The following ANGPT2 variants were observed in gnomAD, a reference collection of about 807,000 sequenced individuals.
ANGPT2 encodes the protein angiopoietin 2.
Under a neutral mutation model 62.9 loss-of-function variants are expected in ANGPT2, and 28 were observed. That is an observed-to-expected ratio of 0.44 (90% CI 0.33 to 0.61). ANGPT2 has a LOEUF of 0.61. ANGPT2 is among the 20% of genes least tolerant of loss of function. ANGPT2 has a pLI of 0.03. For synonymous variants in ANGPT2, 284 were observed against 207.8 expected (o/e 1.37, Z -3.15); for missense variants, 727 against 594.9 (o/e 1.22, Z -2.31).
chr8:6,503,107 A>G lies in ANGPT2; in HGVS notation c.1482T>C (p.Asp494=), dbSNP rs1049510866. ...KATTMMIRPA[D]F ...CTCAGGTGGACTGGGATGTTTAGAA[A>G]TCTGCTGGTCGGATCATCATGGTTG... The change falls in exon 9 of 9, where the codon GAT becomes GAC. Residue 494 remains aspartate, a synonymous_variant. Transcript: ENST00000629816. 5 of 1,614,174 alleles carry G rather than the reference A, an allele frequency of 3.1e-6. No homozygotes were observed. The highest frequency in any genetic ancestry group is 1.7e-5 in the Admixed American group (1 of 60,024).
At chr8:6,532,286 G>A (rs1044584685) in intron 2 of ANGPT2, 46 bp downstream of exon 2, 1 of 1,611,950 alleles carries the variant, frequency 6.2e-7, no homozygotes, top group South Asian at 1.1e-5. Flanking sequence ...CTGAGTGCTA[G>A]TCTCTAGCTG....
chr8:6,505,277 C>CT (rs1813167688), intron 8 of ANGPT2, among the ~76,000 whole-genome samples: 4 of 28,124 alleles, frequency 1.4e-4, no homozygotes, highest in East Asian at 9.4e-4. Flanking sequence ...TATATGTATA[C>CT]ATATATATGT....
At chr8:6,540,761 G>A (rs1200675113) in intron 1 of ANGPT2, among the ~76,000 whole-genome samples, 4 of 152,402 alleles carry the variant, frequency 2.6e-5, no homozygotes, top group Middle Eastern at 3.4e-3. Context: ...AGGCAGGCAT[G>A]CAGGAAGTTT....
intron 1 of ANGPT2, among the ~76,000 whole-genome samples, chr8:6,556,440 T>C (rs899137806): frequency 6.6e-6 from 1 of 152,128 alleles, no homozygotes; most frequent in African/African-American, 2.4e-5. Flanking sequence ...GACCAAGGAC[T>C]TAACATCATC....
rs148198799 is a variant in ANGPT2 at position 6,508,972 on chromosome 8, G to A, written c.1287C>T (p.Asn429=). The A allele has an allele frequency of 1.8e-5, 29 of 1,614,052 alleles. No homozygotes were observed. Among genetic ancestry groups the A allele is most frequent in the East Asian group, 1.3e-4 (6 of 44,880 alleles). ...GNDFSTKDGD[N]DKCICKCSQM... ...GTGAACATTTGCAAATACATTTGTC[G>A]TTGTCTCCATCCTTTGTGCTAAAAT... is the stretch of plus-strand genomic sequence containing the variant. The change falls in exon 8 of 9, where the codon AAC becomes AAT. Residue 429 remains asparagine, a synonymous_variant. Transcript: ENST00000629816.
At chr8:6,513,090 T>C (rs113938816) in intron 7 of ANGPT2, among the ~76,000 whole-genome samples, 42 of 152,246 alleles carry the variant, frequency 2.8e-4, no homozygotes, top group African/African-American at 9.6e-4. Context: ...ATTTTACAAA[T>C]ACCTATGAAA....
At chr8:6,552,098 C>T (rs953283042) in intron 1 of ANGPT2, among the ~76,000 whole-genome samples, 1 of 152,182 alleles carries the variant, frequency 6.6e-6, no homozygotes, top group Admixed American at 6.5e-5. Context: ...AATGGTACCT[C>T]TAAGAAATTC....
chr8:6,554,368 GCCCC>G (rs1230343701), intron 1 of ANGPT2, among the ~76,000 whole-genome samples: 5 of 151,420 alleles, frequency 3.3e-5, no homozygotes, highest in Non-Finnish European at 7.4e-5. Flanking sequence ...TCACGTTCTC[GCCCC>G]CAAAAGCCAA....
In ANGPT2 at chr8:6,499,788, C is replaced by G. The variant is rs1293541862; in HGVS notation, c.*3313G>C. On this transcript the variant is annotated 3_prime_UTR_variant, in exon 9 of 9. Coordinates refer to ENST00000629816, the MANE Select transcript of ANGPT2 (RefSeq NM_001118887.2). ...TTTTTGCTGTGTCTTCAAAGTGATT[C>G]TTGGTTTATTGCCTGCTAAGGCTAA... 3 of 1,456,802 alleles carry G rather than the reference C, an allele frequency of 2.1e-6. No homozygotes were observed. The highest frequency in any genetic ancestry group is 3.3e-5 in the Admixed American group (2 of 59,804). The allele number at this position is 1,456,802 out of a possible 1,614,324, so 90.2% of individuals were successfully genotyped here.
Position 6,562,754 on chromosome 8 carries a change from C to G in ANGPT2, c.181G>C (p.Val61Leu), listed in dbSNP as rs370008214. 62 of 1,613,598 alleles carry G rather than the reference C, an allele frequency of 3.8e-5. 1 individual carries two copies. The highest frequency in any genetic ancestry group is 4.9e-5 in the Non-Finnish European group (58 of 1,179,976). ...DNCRSSSSPY[V>L]SNAVQRDAPL... ...GCGTCCCTCTGCACAGCATTGGACA[C>G]GTAGGGGCTGGAGGAAGAGCGGCAG... Residue 61 changes from valine (V) to leucine (L), a missense_variant, in exon 1 of 9, where the codon GTG becomes CTG. Coordinates refer to ENST00000629816, the MANE Select transcript of ANGPT2 (RefSeq NM_001118887.2).
At chr8:6,545,453 T>C (rs976700469) in intron 1 of ANGPT2, among the ~76,000 whole-genome samples, 1 of 152,228 alleles carries the variant, frequency 6.6e-6, no homozygotes, top group Non-Finnish European at 1.5e-5. Flanking sequence ...GTTTTATTTG[T>C]CTCTGCAGTT....
intron 2 of ANGPT2, among the ~76,000 whole-genome samples, chr8:6,528,346 G>A (rs758113828): frequency 6.6e-6 from 1 of 152,172 alleles, no homozygotes; most frequent in African/African-American, 2.4e-5. Flanking sequence ...TAGGTGGAAA[G>A]TATTTTCCCT....
intron 1 of ANGPT2, among the ~76,000 whole-genome samples, chr8:6,545,054 C>T (rs1315707293): frequency 6.6e-6 from 1 of 152,078 alleles, no homozygotes; most frequent in Non-Finnish European, 1.5e-5. Flanking sequence ...CCATCACAGA[C>T]ATCATGTTGG....
At chr8:6,551,359 T>A (rs900547396) in intron 1 of ANGPT2, among the ~76,000 whole-genome samples, 1 of 151,926 alleles carries the variant, frequency 6.6e-6, no homozygotes, top group Admixed American at 6.5e-5. Context: ...AACGCCTTCA[T>A]GGCACGGGAC....
intron 1 of ANGPT2, among the ~76,000 whole-genome samples, chr8:6,542,487 G>A (rs984775972): frequency 2.0e-5 from 3 of 151,988 alleles, no homozygotes; most frequent in African/African-American, 4.8e-5. Context: ...TAAGAGGGAC[G>A]CTAGCGCCTG....
chr8:6,503,515 C>T (rs1283978108), intron 8 of ANGPT2, among the ~76,000 whole-genome samples: 3 of 152,108 alleles, frequency 2.0e-5, no homozygotes, highest in Admixed American at 1.3e-4. Flanking sequence ...TGTGGAGAGG[C>T]CTGAATTCTC....
At chr8:6,534,001 C>A (rs1168867448) in intron 1 of ANGPT2, among the ~76,000 whole-genome samples, 2 of 152,048 alleles carry the variant, frequency 1.3e-5, no homozygotes, top group African/African-American at 4.8e-5. Context: ...GTTTCCGATG[C>A]CCCCTCGCCA....
chr8:6,538,936 C>T (rs1335262755), intron 1 of ANGPT2, among the ~76,000 whole-genome samples: 2 of 152,104 alleles, frequency 1.3e-5, no homozygotes, highest in East Asian at 3.9e-4. Flanking sequence ...TTCTTGGTTC[C>T]CTGTCATGAG....
intron 8 of ANGPT2, 136 bp downstream of exon 8, chr8:6,508,796 A>T (rs1287597131): frequency 2.4e-6 from 3 of 1,229,602 alleles, no homozygotes; most frequent in Non-Finnish European, 3.5e-6. Context: ...ACATTTACCT[A>T]TATCAAGCTA....
Sources: allele counts gnomAD v4.1 joint callset (sites outside exome capture counted in the v4.1 genomes callset), GRCh38; gene constraint gnomAD v4.1.1; transcripts MANE v1.5; gene names NCBI Gene and HGNC (gene_info 2026-07-23, HGNC 2026-07-21).